Variants in NLRP11 observed in about 807,000 individuals in gnomAD.
NLRP11 encodes NLR family pyrin domain containing 11, also known as NACHT, LRR and PYD domains-containing protein 11.
NLRP11 carries 53 observed loss-of-function variants against 79.3 expected under a neutral mutation model. The observed-to-expected ratio is 0.67, with a 90% CI of 0.54 to 0.84. The LOEUF is 0.84. Ranked by LOEUF, NLRP11 falls within the 40% of genes least tolerant of loss-of-function variation. The probability of loss-of-function intolerance (pLI) is 0.00; values close to 1 mark genes in which losing one functional copy is unlikely to be tolerated. For synonymous variants in NLRP11, 518 were observed against 462.6 expected, an observed-to-expected ratio of 1.12 and a Z score of -1.54; for missense variants, 1,264 against 1,255.0, an observed-to-expected ratio of 1.01 and a Z score of -0.11.
At chr19:55,828,740 G>A (rs184775394) in intron 1 of NLRP11, among the ~76,000 whole-genome samples, 2 of 152,208 alleles carry the variant, frequency 1.3e-5, no homozygotes, top group Admixed American at 1.3e-4. Context: ...AGGAATGATT[G>A]GGACTTAATA....
chr19:55,788,823 C>T (rs545793657), exon 9 of NLRP11: 4 of 1,533,514 alleles, frequency 2.6e-6, no homozygotes, highest in African/African-American at 1.4e-5. Context: ...ACCTTAAGTA[C>T]ACAATCTGGG....
At chr19:55,785,576 C>A (rs746984911) in exon 10 of NLRP11, 35 of 1,543,738 alleles carry the variant, frequency 2.3e-5, no homozygotes, top group Non-Finnish European at 2.8e-5. Flanking sequence ...TCTCTTGCAT[C>A]CCAGTCACGG....
chr19:55,829,446 C>G (rs755536757), intron 1 of NLRP11, among the ~76,000 whole-genome samples: 1 of 151,842 alleles, frequency 6.6e-6, no homozygotes, highest in Non-Finnish European at 1.5e-5. Context: ...GGGCAGATCA[C>G]GAGGTCAGGA....
upstream of NLRP11, among the ~76,000 whole-genome samples, chr19:55,833,264 C>T (rs1001667075): frequency 6.6e-6 from 1 of 152,108 alleles, no homozygotes; most frequent in African/African-American, 2.4e-5. Context: ...TGTTAATATG[C>T]TCCCAAATAG....
chr19:55,801,037 G>A (rs1979424726), intron 5 of NLRP11: 1 of 152,856 alleles, frequency 6.5e-6, no homozygotes, highest in African/African-American at 2.4e-5. Flanking sequence ...AAATTAGCTG[G>A]GCATGGTGGC....
chr19:55,792,755 C>T (rs1486620614), intron 6 of NLRP11, among the ~76,000 whole-genome samples: 2 of 152,168 alleles, frequency 1.3e-5, no homozygotes, highest in Non-Finnish European at 2.9e-5. Context: ...CTTGGTTTCT[C>T]CCATCGTTTG....
Position 55,817,898 on chromosome 19 carries a change from A to G in NLRP11, c.271+6T>C. 6.3e-7 allele frequency: 1 copy of G among 1,596,958 alleles called. No homozygotes were observed. Among genetic ancestry groups the G allele is most frequent in the Non-Finnish European group, 8.6e-7 (1 of 1,168,796 alleles). The stretch of plus-strand genomic sequence containing the variant: ...TTCTGCCCACCCTTCTCGTGACCCC[A>G]CTCACGGTTTCGTCTGCCAATGATC... On this transcript the variant is annotated splice_donor_region_variant and intron_variant, in intron 2 of 9. Transcript: ENST00000589093.
At position 55,791,602 on chromosome 19, in the gene NLRP11, A is replaced by C. The variant is rs573607360; in HGVS notation, c.2513+699T>G. On this transcript the variant is annotated intron_variant, in intron 7 of 9. Transcript: ENST00000589093. Reference sequence around the variant, plus strand: ...GTTTCTTATATTTCTGAGCCCAAAAAAAGGCATTTGAAATAGAACATTTTC... The same window carrying C: ...GTTTCTTATATTTCTGAGCCCAAAACAAGGCATTTGAAATAGAACATTTTC... Among the ~76,000 whole-genome samples, 410 of 152,338 alleles carry C rather than the reference A, an allele frequency of 2.7e-3. 1 individual carries two copies. The highest frequency in any genetic ancestry group is 9.5e-3 in the African/African-American group (396 of 41,580).
chr19:55,809,566 G>A lies in NLRP11; in HGVS notation c.1044C>T (p.Val348=). ...GCCCCTTGTCCATCTGCCGCTTCAG[G>A]ACAGTACACGTGATCCAGCATAAGA... Residue 348 remains valine (V), a synonymous_variant, in exon 3 of 10, where the codon GTC becomes GTT. Transcript: ENST00000589093. The surrounding 1 kb of genome is among the most constrained non-coding windows in gnomAD (Gnocchi z 4.5). 6.2e-7 allele frequency: 1 copy of A among 1,614,170 alleles called. No homozygotes were observed. The highest frequency in any genetic ancestry group is 8.5e-7 in the Non-Finnish European group (1 of 1,180,024).
chr19:55,823,719 A>G (rs1383435150), intron 1 of NLRP11, among the ~76,000 whole-genome samples: 1 of 150,814 alleles, frequency 6.6e-6, no homozygotes, highest in Admixed American at 6.7e-5. Flanking sequence ...GAGAAAAACA[A>G]ATAAAAAGAA....
At chr19:55,822,880 G>A (rs1182198584) in intron 1 of NLRP11, among the ~76,000 whole-genome samples, 2 of 152,370 alleles carry the variant, frequency 1.3e-5, no homozygotes, top group East Asian at 1.9e-4. Context: ...AAACAAAGCA[G>A]CCAGGAAGCT....
chr19:55,785,514 C>A, exon 10 of NLRP11: 2 of 908,430 alleles, frequency 2.2e-6, no homozygotes, highest in Non-Finnish European at 3.4e-6. Context: ...CACACACACA[C>A]ACACACACAC....
exon 4 of NLRP11, chr19:55,807,896 A>C: frequency 6.2e-7 from 1 of 1,613,186 alleles, no homozygotes; most frequent in Non-Finnish European, 8.5e-7. Context: ...AGGGCTTTAG[A>C]CAGAATCCTT....
chr19:55,795,949 G>T, intron 6 of NLRP11, 131 bp downstream of exon 6: 1 of 760,350 alleles, frequency 1.3e-6, no homozygotes, highest in Non-Finnish European at 2.2e-6. Context: ...CAGACCTACT[G>T]AACTCCAAAG....
intron 9 of NLRP11, among the ~76,000 whole-genome samples, chr19:55,788,549 G>A (rs1343456930): frequency 2.0e-5 from 3 of 151,420 alleles, no homozygotes; most frequent in African/African-American, 7.3e-5. Flanking sequence ...GACCACCCTG[G>A]CCAACATGGT....
intron 2 of NLRP11, among the ~76,000 whole-genome samples, chr19:55,811,164 C>G (rs1252526152): frequency 1.3e-5 from 2 of 152,062 alleles, no homozygotes; most frequent in African/African-American, 2.4e-5. Context: ...TAATGAACTA[C>G]TTAAGATAAA....
intron 6 of NLRP11, among the ~76,000 whole-genome samples, chr19:55,795,382 G>A (rs563653367): frequency 1.3e-5 from 2 of 152,230 alleles, no homozygotes; most frequent in East Asian, 1.9e-4. Flanking sequence ...CATCCTACAC[G>A]ACACCCAGTT....
At chr19:55,792,190 C>A in intron 7 of NLRP11, 111 bp downstream of exon 7, 1 of 902,716 alleles carries the variant, frequency 1.1e-6, no homozygotes, top group Admixed American at 2.0e-5. Context: ...GCTCCCGTAC[C>A]CCTATCACCC....
In NLRP11 at chr19:55,796,072, CA is replaced by C; in HGVS notation, c.2342+7del. 6.2e-7 allele frequency: 1 copy of C among 1,604,248 alleles called. No homozygotes were observed. The highest frequency in any genetic ancestry group is 1.7e-4 in the Middle Eastern group (1 of 6,024). On this transcript the variant is annotated splice_region_variant and intron_variant, in intron 6 of 9. Coordinates refer to ENST00000589093, the Ensembl canonical transcript of NLRP11. ...TTCTACGTGGTGAGCTCGTCTAAGC[CA>C]ACTTACACCAGTGATATAAGAGTGC... is the stretch of plus-strand genomic sequence containing the variant.
Sources: allele counts gnomAD v4.1 joint callset (sites outside exome capture counted in the v4.1 genomes callset), GRCh38; gene constraint gnomAD v4.1.1; non-coding constraint Gnocchi (gnomAD v3.1); transcripts MANE v1.5; gene names NCBI Gene and HGNC (gene_info 2026-07-23, HGNC 2026-07-21).